POP1: variants seen among roughly 807,000 people sequenced by gnomAD.
The protein encoded by POP1 is POP1 ribonuclease P/MRP subunit.
POP1 carries 75 observed loss-of-function variants against 102.2 expected under a neutral mutation model. The observed-to-expected ratio is 0.73, with a 90% CI of 0.61 to 0.89. The LOEUF (loss-of-function observed/expected upper bound fraction) is 0.89, where lower values mean the gene tolerates loss of function less well. Ranked by LOEUF, POP1 falls within the 40% of genes least tolerant of loss-of-function variation. The probability of loss-of-function intolerance (pLI) is 0.00; values close to 1 mark genes in which losing one functional copy is unlikely to be tolerated. For missense variants in POP1, 1,116 were observed against 1,267.4 expected, an observed-to-expected ratio of 0.88 and a Z score of 1.81; for synonymous variants, 436 against 464.1, an observed-to-expected ratio of 0.94 and a Z score of 0.78.
chr8:98,153,531 C>CCCTTTTTTTTTTTTTTTTTTTTTTTTTT (rs1430760385), intron 14 of POP1, among the ~76,000 whole-genome samples: 1 of 81,234 alleles, frequency 1.2e-5, no homozygotes. Flanking sequence ...ACAGTTCTGA[C>CCCTTTTTTTTTTTTTTTTTTTTTTTTTT]TCTTTTTTTT....
chr8:98,129,968 G>T lies in POP1; in HGVS notation c.487-10G>T. On this transcript the variant is annotated splice_polypyrimidine_tract_variant and intron_variant, in intron 4 of 15. Coordinates refer to ENST00000401707, the MANE Select transcript of POP1 (RefSeq NM_001145860.2). The stretch of plus-strand genomic sequence containing the variant: ...CAAACTGGGATATGTCCCTCTACTT[G>T]AAACTATAGGCGGAGAAAGCCGTAC... 1 of 1,613,764 alleles carries T rather than the reference G, an allele frequency of 6.2e-7. No homozygotes were observed. The highest frequency in any genetic ancestry group is 1.1e-5 in the South Asian group (1 of 90,974).
At chr8:98,144,965 G>A (rs1816804929) in intron 11 of POP1, among the ~76,000 whole-genome samples, 1 of 152,118 alleles carries the variant, frequency 6.6e-6, no homozygotes, top group Non-Finnish European at 1.5e-5. Context: ...TCAGCTCACT[G>A]CAGCTTCCAC....
chr8:98,146,037 A>T (rs960075008), intron 11 of POP1, among the ~76,000 whole-genome samples: 7 of 152,214 alleles, frequency 4.6e-5, no homozygotes, highest in African/African-American at 1.7e-4. Context: ...CCACCATTGG[A>T]TGAGGAATGA....
rs1222028584 is a variant in POP1, at chr8:98,156,128, T to C, written c.2136T>C (p.Thr712=). The C allele has an allele frequency of 6.2e-7, 1 of 1,614,134 alleles. No homozygotes were observed. The highest frequency in any genetic ancestry group is 1.1e-5 in the South Asian group (1 of 91,084). ...TCTGCTGTCCCTGGGAGCAGTTAAC[T>C]CAAGACTGGGAGTCAAGAGTCCAGG... ...APFCCPWEQL[T]QDWESRVQAY... The change falls in exon 15 of 16, where the codon ACT becomes ACC. Residue 712 remains threonine (T), a synonymous_variant. Coordinates refer to ENST00000401707, the MANE Select transcript of POP1 (RefSeq NM_001145860.2).
At chr8:98,127,530 T>C in intron 2 of POP1, 65 bp from the exon 3 acceptor site, 2 of 1,587,128 alleles carry the variant, frequency 1.3e-6, no homozygotes, top group South Asian at 2.2e-5. Context: ...CCAACAAATA[T>C]TAGTTCTCCA....
In POP1 at chr8:98,150,648, C is replaced by T. The variant is rs75610818; in HGVS notation, c.2057+9C>T. The T allele has an allele frequency of 4.3e-6, 7 of 1,613,694 alleles. No individual in the cohort carries two copies. Among genetic ancestry groups the T allele is most frequent in the South Asian group, 2.2e-5 (2 of 91,074 alleles). ...CTTGAAAAGTACAAAAGGTAAGAAA[C>T]TGGCTTCTCTAATTTGATAATGTAT... On this transcript the variant is annotated intron_variant, in intron 14 of 15. Transcript: ENST00000401707.
At chr8:98,136,162 C>T (rs1376256858) in intron 7 of POP1, among the ~76,000 whole-genome samples, 3 of 151,746 alleles carry the variant, frequency 2.0e-5, no homozygotes, top group Non-Finnish European at 4.4e-5. Context: ...CTCACTGCAA[C>T]CTCTGCCTCC....
intron 5 of POP1, 75 bp downstream of exon 5, chr8:98,130,301 G>T: frequency 1.3e-6 from 2 of 1,578,434 alleles, no homozygotes; most frequent in Non-Finnish European, 1.7e-6. Flanking sequence ...AATAGTTTAT[G>T]ATGTGCCAAG....
intron 5 of POP1, among the ~76,000 whole-genome samples, chr8:98,131,211 A>G (rs1816370996): frequency 6.6e-6 from 1 of 152,264 alleles, no homozygotes; most frequent in African/African-American, 2.4e-5. Context: ...ATCCATCTCC[A>G]GAACTTTTTT....
rs1809748390 is a variant in POP1 at position 98,159,570 on chromosome 8, ATATGCAGTTAGGCATTATTTTATGT to A, written c.*1300_*1324del. 1 of 152,176 alleles carries A rather than the reference ATATGCAGTTAGGCATTATTTTATGT, an allele frequency of 6.6e-6. No individual in the cohort carries two copies. The highest frequency in any genetic ancestry group is 2.4e-5 in the African/African-American group (1 of 41,434). The allele number at this position is 152,176 out of a possible 1,614,324, so 9.4% of individuals were successfully genotyped here. On this transcript the variant is annotated 3_prime_UTR_variant, in exon 16 of 16. Transcript: ENST00000401707. ...GGGATTTTTTTTCTAAAAAATGTAA[ATATGCAGTTAGGCATTATTTTATGT>A]AAATGCATTGGGTTTTTACTGTAGC...
chr8:98,124,381 G>A (rs868167537), intron 2 of POP1, among the ~76,000 whole-genome samples: 1 of 152,096 alleles, frequency 6.6e-6, no homozygotes. Context: ...GGCCAACATG[G>A]CGAAACTCCG....
intron 13 of POP1, 145 bp from the exon 14 acceptor site, chr8:98,150,340 C>G: frequency 2.4e-6 from 2 of 837,238 alleles, no homozygotes; most frequent in South Asian, 3.1e-5. Context: ...TTCATTTTTA[C>G]TATTGCATGG....
rs142221691 is a variant in POP1, at chr8:98,149,265, C to A, written c.1902+259C>A. On this transcript the variant is annotated intron_variant, in intron 13 of 15. Transcript: ENST00000401707. ...TGGCCTGATATTCGAATAGTAGTGG[C>A]AACAAAAATGTTGAGGTATTTGATT... Among the ~76,000 whole-genome samples, 16 of 152,004 alleles carry A rather than the reference C, an allele frequency of 1.1e-4. No homozygotes were observed. The South Asian group carries it at 3.3e-3, about 32-fold the overall frequency.
At chr8:98,127,545 A>G in intron 2 of POP1, 50 bp from the exon 3 acceptor site, 1 of 1,598,560 alleles carries the variant, frequency 6.3e-7, no homozygotes, top group East Asian at 2.2e-5. Flanking sequence ...TCTCCACTAT[A>G]ATGTTTATCT....
At position 98,143,339 on chromosome 8, in the gene POP1, T is replaced by G. The variant is rs534635585; in HGVS notation, c.1594+2451T>G. 2.6e-5 allele frequency among the ~76,000 whole-genome samples: 4 copies of G among 152,316 alleles called. No individual in the cohort carries two copies. In the South Asian group the frequency reaches 8.3e-4, roughly 32 times the overall value. ...CCCTTAGCCTTCAGACGTACTCCAC[T>G]TTGTTGTAAATAGACTTTATTATTT... On this transcript the variant is annotated intron_variant, in intron 11 of 15. Coordinates refer to ENST00000401707, the MANE Select transcript of POP1 (RefSeq NM_001145860.2).
At chr8:98,125,934 C>T (rs1292974933) in intron 2 of POP1, among the ~76,000 whole-genome samples, 2 of 152,150 alleles carry the variant, frequency 1.3e-5, no homozygotes, top group Non-Finnish European at 2.9e-5. Context: ...CAACCTTGAC[C>T]TCCTGGGCTC....
At chr8:98,150,455 C>T (rs1809485098) in intron 13 of POP1, 30 bp from the exon 14 acceptor site, 1 of 1,612,888 alleles carries the variant, frequency 6.2e-7, no homozygotes, top group Middle Eastern at 1.7e-4. Flanking sequence ...AGTTGGTAGA[C>T]TGACAGTATC....
At chr8:98,146,458 A>G in intron 11 of POP1, 110 bp from the exon 12 acceptor site, 1 of 812,032 alleles carries the variant, frequency 1.2e-6, no homozygotes, top group Non-Finnish European at 2.2e-6. Flanking sequence ...TAAGTTAAGT[A>G]AATGCCTATG....
intron 14 of POP1, among the ~76,000 whole-genome samples, chr8:98,155,275 T>G (rs986823500): frequency 6.6e-6 from 1 of 152,108 alleles, no homozygotes; most frequent in Admixed American, 6.6e-5. Context: ...AATTGGTTAT[T>G]ATTATTATTT....
Sources: gnomAD v4.1 joint callset for allele counts (sites outside exome capture counted in the v4.1 genomes callset) on GRCh38, gnomAD v4.1.1 for gene constraint, MANE v1.5 for transcripts, NCBI Gene and HGNC (gene_info 2026-07-23, HGNC 2026-07-21) for gene names.